The following XPO4 variants were observed in gnomAD, a reference collection of about 807,000 sequenced individuals.
XPO4 encodes exportin 4.
In XPO4, 39 loss-of-function variants were observed where a neutral mutation model predicts 143.0. The observed-to-expected ratio is 0.27, with a 90% confidence interval of 0.21 to 0.36. The LOEUF (loss-of-function observed/expected upper bound fraction) is 0.36. Ranked by LOEUF, XPO4 falls within the 10% of genes least tolerant of loss-of-function variation. The pLI, the probability that XPO4 is intolerant of heterozygous loss-of-function variation, is 1.00. For missense variants in XPO4, 907 were observed against 1,348.0 expected (o/e 0.67, Z 5.12); for synonymous variants, 439 against 474.0 (o/e 0.93, Z 0.96).
At chr13:20,858,949 T>C (rs931993519) in intron 3 of XPO4, among the ~76,000 whole-genome samples, 4 of 149,312 alleles carry the variant, frequency 2.7e-5, no homozygotes, top group Middle Eastern at 3.5e-3. Context: ...TATATATATA[T>C]GTGAGCTATT....
intron 4 of XPO4, chr13:20,850,278 G>A (rs747550051): frequency 3.1e-6 from 3 of 981,210 alleles, no homozygotes; most frequent in Non-Finnish European, 3.6e-6. Context: ...ACAAATACTT[G>A]CTGAATAGAA....
chr13:20,831,497 T>C (rs1314179656), intron 6 of XPO4, among the ~76,000 whole-genome samples: 1 of 152,296 alleles, frequency 6.6e-6, no homozygotes. Flanking sequence ...TCACAAAAGA[T>C]TGGAACTAAA....
At position 20,796,242 on chromosome 13, in the gene XPO4, G is replaced by A; in HGVS notation, c.2631C>T (p.Asn877=). ...ACAAAGTAAGGCAGGCTTCATATAAGTTCATAGCTTTGGACTGAAAAAAAA... is the reference window on the plus strand; with the variant it reads ...ACAAAGTAAGGCAGGCTTCATATAAATTCATAGCTTTGGACTGAAAAAAAA... ...ICYLGESKAM[N]LYEACLTLLQ... Residue 877 remains asparagine, a synonymous_variant, in exon 18 of 23, where the codon AAC becomes AAT. Transcript: ENST00000255305. The A allele has an allele frequency of 1.3e-6, 2 of 1,595,340 alleles. No individual in the cohort carries two copies. The highest frequency in any genetic ancestry group is 1.7e-6 in the Non-Finnish European group (2 of 1,172,902).
At chr13:20,833,895 A>G (rs560416056) in intron 6 of XPO4, among the ~76,000 whole-genome samples, 1 of 152,102 alleles carries the variant, frequency 6.6e-6, no homozygotes, top group South Asian at 2.1e-4. Flanking sequence ...TGGTGATGAG[A>G]CCGCCCCGGA....
At chr13:20,884,865 G>C (rs2060446294) in intron 1 of XPO4, among the ~76,000 whole-genome samples, 1 of 152,198 alleles carries the variant, frequency 6.6e-6, no homozygotes. Context: ...ACAAAAACAA[G>C]TAAAGATTAG....
At chr13:20,840,371 T>C (rs933938070) in intron 6 of XPO4, among the ~76,000 whole-genome samples, 1 of 151,898 alleles carries the variant, frequency 6.6e-6, no homozygotes, top group African/African-American at 2.4e-5. Flanking sequence ...CACACCTAGC[T>C]AATATTTGTA....
In XPO4 at chr13:20,800,970, C is replaced by T. The variant is rs1426799215; in HGVS notation, c.1838G>A (p.Arg613Lys). ...SVIRLLSAIL[R>K]VSEVESRAIR... Reference sequence around the variant, plus strand: ...TGCTCGAGATTCAACTTCTGAAACTCTGAGAATGGCAGACAACAGCCTGTA... The same window carrying T: ...TGCTCGAGATTCAACTTCTGAAACTTTGAGAATGGCAGACAACAGCCTGTA... Residue 613 changes from arginine (R) to lysine (K), a missense_variant, in exon 14 of 23, where the codon AGA becomes AAA. Arg to Lys is a conservative substitution (Grantham distance 26). Transcript: ENST00000255305. The T allele has an allele frequency of 3.1e-6, 5 of 1,613,724 alleles. No individual in the cohort carries two copies. Among genetic ancestry groups the T allele is most frequent in the Non-Finnish European group, 8.5e-7 (1 of 1,179,946 alleles).
At chr13:20,805,717 T>G (rs1270318697) in intron 13 of XPO4, among the ~76,000 whole-genome samples, 1 of 152,214 alleles carries the variant, frequency 6.6e-6, no homozygotes, top group Non-Finnish European at 1.5e-5. Flanking sequence ...TCTCTCTCCT[T>G]TATAAAGAGT....
intron 1 of XPO4, among the ~76,000 whole-genome samples, chr13:20,891,309 A>G (rs1566629883): frequency 6.6e-6 from 1 of 152,040 alleles, no homozygotes; most frequent in African/African-American, 2.4e-5. Context: ...CAGCACAGAA[A>G]GTTCTATCAG....
intron 1 of XPO4, chr13:20,879,411 G>A: frequency 1.3e-6 from 1 of 758,580 alleles, no homozygotes; most frequent in Non-Finnish European, 1.6e-6. Context: ...CCCACAAGCA[G>A]GCCTATGACA....
At chr13:20,902,629 G>A (rs1470247386) in intron 1 of XPO4, 41 bp downstream of exon 1, 3 of 1,520,828 alleles carry the variant, frequency 2.0e-6, no homozygotes, top group African/African-American at 1.4e-5. Flanking sequence ...GCCGACCGGG[G>A]GCCCGCGAAT....
intron 3 of XPO4, among the ~76,000 whole-genome samples, chr13:20,861,775 C>CTTTTTT (rs1566613499): frequency 1.6e-5 from 2 of 123,210 alleles, no homozygotes; most frequent in Admixed American, 9.5e-5. Flanking sequence ...GCACATTTCT[C>CTTTTTT]TCTTTTTTTT....
chr13:20,848,636 T>C (rs558634446), intron 4 of XPO4: 2 of 985,346 alleles, frequency 2.0e-6, no homozygotes, highest in Non-Finnish European at 2.4e-6. Flanking sequence ...GTTACACCAC[T>C]TAAAAAACAG....
chr13:20,802,430 A>C (rs1469707319), intron 13 of XPO4, among the ~76,000 whole-genome samples: 2 of 152,206 alleles, frequency 1.3e-5, no homozygotes, highest in African/African-American at 4.8e-5. Context: ...TTTAGGGGGT[A>C]TATGAACAAC....
In XPO4 at chr13:20,783,742, C is replaced by G. The variant is rs1279471798; in HGVS notation, c.3436G>C (p.Gly1146Arg). 1.2e-5 allele frequency: 19 copies of G among 1,614,028 alleles called. No homozygotes were observed. The highest frequency in any genetic ancestry group is 2.7e-5 in the African/African-American group (2 of 74,902). ...GTTGTTTATTTTACACAAAGGAGACCACCAACATTTGCCATAAATTCTTCT... is the reference window on the plus strand; with the variant it reads ...GTTGTTTATTTTACACAAAGGAGACGACCAACATTTGCCATAAATTCTTCT... ...SLEEFMANVGGLLCVK is the reference protein window; with the variant it reads ...SLEEFMANVGRLLCVK Residue 1146 changes from glycine to arginine, a missense_variant, in exon 23 of 23, where the codon GGT becomes CGT. By Grantham distance (125) the Gly-to-Arg change is moderately radical (BLOSUM62 -2). Coordinates refer to ENST00000255305, the MANE Select transcript of XPO4 (RefSeq NM_022459.5).
intron 9 of XPO4, among the ~76,000 whole-genome samples, chr13:20,815,249 C>T (rs1271604534): frequency 1.3e-5 from 2 of 152,114 alleles, no homozygotes; most frequent in Non-Finnish European, 2.9e-5. Flanking sequence ...ATGGACATCA[C>T]ACACTGGTCC....
chr13:20,783,581 T>C lies in XPO4; in HGVS notation c.*141A>G, dbSNP rs1293500943. On this transcript the variant is annotated 3_prime_UTR_variant, in exon 23 of 23. Transcript: ENST00000255305. Reference sequence around the variant, plus strand: ...AGTTGACCTCTCCTGTTTCACTGTATTACATACATATCAAAGTTTCAGGCT... The same window carrying C: ...AGTTGACCTCTCCTGTTTCACTGTACTACATACATATCAAAGTTTCAGGCT... 3 of 799,590 alleles carry C rather than the reference T, an allele frequency of 3.8e-6. No homozygotes were observed. The highest frequency in any genetic ancestry group is 6.2e-6 in the Non-Finnish European group (3 of 484,176). The allele number at this position is 799,590 out of a possible 1,614,324, so 49.5% of individuals were successfully genotyped here.
At chr13:20,830,767 A>G (rs1346623242) in intron 6 of XPO4, among the ~76,000 whole-genome samples, 1 of 152,194 alleles carries the variant, frequency 6.6e-6, no homozygotes, top group Non-Finnish European at 1.5e-5. Context: ...AGACTGTACC[A>G]TGAAACTGCT....
intron 6 of XPO4, among the ~76,000 whole-genome samples, chr13:20,838,231 A>C (rs940981194): frequency 5.3e-5 from 8 of 152,302 alleles, no homozygotes; most frequent in Admixed American, 5.2e-4. Context: ...CTCTCTATGC[A>C]CATCCTACAG....
Sources: gnomAD v4.1 joint callset for allele counts (sites outside exome capture counted in the v4.1 genomes callset) on GRCh38, gnomAD v4.1.1 for gene constraint, MANE v1.5 for transcripts, NCBI Gene and HGNC (gene_info 2026-07-23, HGNC 2026-07-21) for gene names.